The following CPSF2 variants were observed in gnomAD, a reference collection of about 807,000 sequenced individuals.
The protein encoded by CPSF2 is cleavage and polyadenylation specific factor 2, also known as cleavage and polyadenylation specificity factor subunit 2.
CPSF2 carries 51 observed loss-of-function variants against 84.2 expected under a neutral mutation model. The ratio of observed to expected loss-of-function variants is 0.61; its 90% CI spans 0.48 to 0.77. The LOEUF is 0.77. CPSF2 is among the 30% of genes least tolerant of loss of function. The probability of loss-of-function intolerance (pLI) is 0.00; values close to 1 mark genes in which losing one functional copy is unlikely to be tolerated. For synonymous variants in CPSF2, 286 were observed against 311.9 expected (o/e 0.92, Z 0.87); for missense variants, 641 against 929.4 (o/e 0.69, Z 4.03).
intron 2 of CPSF2, among the ~76,000 whole-genome samples, chr14:92,126,597 G>C (rs948179759): frequency 6.6e-6 from 1 of 152,136 alleles, no homozygotes; most frequent in Non-Finnish European, 1.5e-5. Context: ...GATCACTTGA[G>C]CCCAGGAGTT....
At position 92,166,308 on chromosome 14, in the gene CPSF2, T is replaced by G. The variant is rs2069446721; in HGVS notation, c.*4564T>G. ...TCTAACAGTTTTACAGTTTAGGCTC[T>G]TATCATTAGGTCTTTCATTTATTTT... On this transcript the variant is annotated 3_prime_UTR_variant, in exon 16 of 16. Transcript: ENST00000298875. 1 of 152,160 alleles carries G rather than the reference T, an allele frequency of 6.6e-6. No homozygotes were observed. The highest frequency in any genetic ancestry group is 6.5e-5 in the Admixed American group (1 of 15,268). 9.4% of individuals were successfully genotyped at this position (152,160 alleles called of 1,614,324 possible). A position where few individuals can be genotyped will look rare whatever the true frequency, so the allele number is the denominator to read the frequency against.
At chr14:92,154,559 A>T in intron 10 of CPSF2, 101 bp downstream of exon 10, 1 of 806,990 alleles carries the variant, frequency 1.2e-6, no homozygotes, top group Non-Finnish European at 1.9e-6. Context: ...AATTTTCGTA[A>T]GACTTAATTT....
At chr14:92,123,895 T>C (rs1012591176) in intron 1 of CPSF2, among the ~76,000 whole-genome samples, 2 of 152,258 alleles carry the variant, frequency 1.3e-5, no homozygotes, top group African/African-American at 2.4e-5. Context: ...CCTCTATACA[T>C]TGAACATCCA....
chr14:92,165,636 C>A lies in CPSF2; in HGVS notation c.*3892C>A, dbSNP rs754553470. On this transcript the variant is annotated 3_prime_UTR_variant, in exon 16 of 16. Coordinates refer to ENST00000298875, the MANE Select transcript of CPSF2 (RefSeq NM_017437.3). ...TTTGTTTATGTTCATATCCTTTGTC[C>A]ATTTTCAATTTGTTTATCTTTACTG... 6.6e-6 allele frequency: 1 copy of A among 151,820 alleles called. No individual in the cohort carries two copies. Among genetic ancestry groups the A allele is most frequent in the Non-Finnish European group, 1.5e-5 (1 of 67,984 alleles). The allele number at this position is 151,820 out of a possible 1,614,324, so 9.4% of individuals were successfully genotyped here. A position where few individuals can be genotyped will look rare whatever the true frequency, so the allele number is the denominator to read the frequency against.
chr14:92,153,770 C>A (rs1162067417), intron 9 of CPSF2, among the ~76,000 whole-genome samples: 2 of 148,924 alleles, frequency 1.3e-5, no homozygotes, highest in African/African-American at 5.0e-5. Context: ...GTGGTGTGAG[C>A]ACAGCTCACT....
At chr14:92,147,768 G>C (rs1250139865) in intron 9 of CPSF2, among the ~76,000 whole-genome samples, 1 of 152,078 alleles carries the variant, frequency 6.6e-6, no homozygotes, top group African/African-American at 2.4e-5. Context: ...CTGTCACCCA[G>C]GCTGGAGTGC....
intron 14 of CPSF2, 64 bp from the exon 15 acceptor site, chr14:92,161,048 T>TCAGTA (rs1595069126): frequency 1.4e-6 from 2 of 1,477,830 alleles, no homozygotes; most frequent in East Asian, 4.7e-5. Flanking sequence ...TTTACTTTAT[T>TCAGTA]CAGTACAGTT....
At position 92,157,279 on chromosome 14, in the gene CPSF2, A is replaced by G. The variant is rs1180322102; in HGVS notation, c.1596-380A>G. ...TCCCAGCACTTTGGTAGGCCGAGAT[A>G]GGCTGATCACTCGAGATCAGGAGTT... On this transcript the variant is annotated intron_variant, in intron 12 of 15. Transcript: ENST00000298875. This position sits in a 1 kb window ranked among gnomAD's most constrained non-coding sequence, Gnocchi z 4.0. Among the ~76,000 whole-genome samples, 1 of 152,102 alleles carries G rather than the reference A, an allele frequency of 6.6e-6. No individual in the cohort carries two copies. The highest frequency in any genetic ancestry group is 2.4e-5 in the African/African-American group (1 of 41,412).
In CPSF2 at chr14:92,165,085, A is replaced by G. The variant is rs1278555013; in HGVS notation, c.*3341A>G. On this transcript the variant is annotated 3_prime_UTR_variant, in exon 16 of 16. Coordinates refer to ENST00000298875, the MANE Select transcript of CPSF2 (RefSeq NM_017437.3). ...TAGCATAATGTTTTCAGAGTGCATC[A>G]CTGTTGTAACATGTATCAGTACCCT... The G allele has an allele frequency of 6.6e-6, 1 of 152,228 alleles. No individual in the cohort carries two copies. 9.4% of individuals were successfully genotyped at this position (152,228 alleles called of 1,614,324 possible).
intron 9 of CPSF2, among the ~76,000 whole-genome samples, chr14:92,152,475 G>C (rs1296201958): frequency 6.6e-6 from 1 of 151,342 alleles, no homozygotes; most frequent in African/African-American, 2.4e-5. Flanking sequence ...GTCTCACTCT[G>C]TTGTCCAAGC....
chr14:92,156,366 A>G (rs947975782), intron 11 of CPSF2, 113 bp from the exon 12 acceptor site: 2 of 741,174 alleles, frequency 2.7e-6, no homozygotes, highest in Non-Finnish European at 2.1e-6. Context: ...TGAAATGTAT[A>G]TTTAAATCTT....
chr14:92,143,340 A>G, intron 9 of CPSF2, 46 bp downstream of exon 9: 1 of 1,243,290 alleles, frequency 8.0e-7, no homozygotes, highest in Non-Finnish European at 1.1e-6. Flanking sequence ...TTTGGGGGAT[A>G]CATTGTGCAT....
chr14:92,127,421 A>C lies in CPSF2; in HGVS notation c.-35+1241A>C, dbSNP rs2068857339. Among the ~76,000 whole-genome samples, 5 of 152,228 alleles carry C rather than the reference A, an allele frequency of 3.3e-5. No homozygotes were observed. In the South Asian group the frequency reaches 1.0e-3, roughly 32 times the overall value. ...GTTGTTATGAAAGTATATCACTGGA[A>C]GTGTTTTATAAAGGTCATTGATAAA... On this transcript the variant is annotated intron_variant, in intron 2 of 15. Transcript: ENST00000298875.
In CPSF2 at chr14:92,166,437, T is replaced by G. The variant is rs2069448703; in HGVS notation, c.*4693T>G. On this transcript the variant is annotated 3_prime_UTR_variant, in exon 16 of 16. Coordinates refer to ENST00000298875, the MANE Select transcript of CPSF2 (RefSeq NM_017437.3). ...TCACAGCTCACTGCAGCTTCAGCCTTCTGGCCTCAAGCAGTCCTCCCACCT... is the reference window on the plus strand; with the variant it reads ...TCACAGCTCACTGCAGCTTCAGCCTGCTGGCCTCAAGCAGTCCTCCCACCT... 6.6e-6 allele frequency: 1 copy of G among 152,070 alleles called. No individual in the cohort carries two copies. The highest frequency in any genetic ancestry group is 6.6e-5 in the Admixed American group (1 of 15,254). 9.4% of individuals were successfully genotyped at this position (152,070 alleles called of 1,614,324 possible).
At position 92,134,134 on chromosome 14, in the gene CPSF2, T is replaced by C; in HGVS notation, c.273T>C (p.Tyr91=). The change falls in exon 4 of 16, where the codon TAT becomes TAC. Residue 91 remains tyrosine (Y), a synonymous_variant. Transcript: ENST00000298875. ...NCAIYATIPV[Y]KMGQMFMYDL... ...CTATCTATGCAACCATTCCTGTTTA[T>C]AAAATGGGACAGATGTTCATGTATG... is the stretch of plus-strand genomic sequence containing the variant. 1 of 1,614,196 alleles carries C rather than the reference T, an allele frequency of 6.2e-7. No individual in the cohort carries two copies. Among genetic ancestry groups the C allele is most frequent in the Non-Finnish European group, 8.5e-7 (1 of 1,180,014 alleles).
At position 92,142,361 on chromosome 14, in the gene CPSF2, C is replaced by A; in HGVS notation, c.849+10C>A. On this transcript the variant is annotated intron_variant, in intron 8 of 15. Transcript: ENST00000298875. Reference sequence around the variant, plus strand: ...GTTTTCTAAGTCCCAGGTTTGTTCTCATGTTGTCACTTGTAATAAGTTTGC... The same window carrying A: ...GTTTTCTAAGTCCCAGGTTTGTTCTAATGTTGTCACTTGTAATAAGTTTGC... 1.3e-6 allele frequency: 2 copies of A among 1,595,452 alleles called. No homozygotes were observed. Among genetic ancestry groups the A allele is most frequent in the South Asian group, 2.2e-5 (2 of 88,892 alleles).
rs1436818957 is a variant in CPSF2 at position 92,170,309 on chromosome 14, A to C, written c.*8565A>C. On this transcript the variant is annotated 3_prime_UTR_variant, in exon 16 of 16. Transcript: ENST00000298875. ...AACATCTTGCCATATTTTCCATACCACTCTCTAGCTATGTATTCACATTAT... is the reference window on the plus strand; with the variant it reads ...AACATCTTGCCATATTTTCCATACCCCTCTCTAGCTATGTATTCACATTAT... 1 of 151,766 alleles carries C rather than the reference A, an allele frequency of 6.6e-6. No homozygotes were observed. The highest frequency in any genetic ancestry group is 6.6e-5 in the Admixed American group (1 of 15,226). The allele number at this position is 151,766 out of a possible 1,614,324, so 9.4% of individuals were successfully genotyped here.
intron 9 of CPSF2, among the ~76,000 whole-genome samples, chr14:92,144,213 C>T (rs956259319): frequency 6.6e-6 from 1 of 152,192 alleles, no homozygotes; most frequent in Non-Finnish European, 1.5e-5. Flanking sequence ...TTCCTGTCCA[C>T]TTGTGTTCAG....
chr14:92,149,419 A>G (rs1359059038), intron 9 of CPSF2, among the ~76,000 whole-genome samples: 1 of 152,140 alleles, frequency 6.6e-6, no homozygotes. Flanking sequence ...GCCTCTACGA[A>G]GTATAAAGGT....
Sources: gnomAD v4.1 joint callset for allele counts (sites outside exome capture counted in the v4.1 genomes callset) on GRCh38, gnomAD v4.1.1 for gene constraint, Gnocchi (gnomAD v3.1) non-coding constraint, MANE v1.5 for transcripts, NCBI Gene and HGNC (gene_info 2026-07-23, HGNC 2026-07-21) for gene names.